The following GOLGA4 variants were observed in gnomAD, a reference collection of about 807,000 sequenced individuals.
GOLGA4 encodes the protein golgin A4.
Under a neutral mutation model 265.9 loss-of-function variants are expected in GOLGA4, and 169 were observed. The observed-to-expected ratio is 0.64, with a 90% CI of 0.56 to 0.72. The LOEUF is 0.72. Among genes scored for constraint, GOLGA4 ranks in the 30% least tolerant of loss-of-function variants. GOLGA4 has a pLI of 0.00. For synonymous variants in GOLGA4, 923 were observed against 855.8 expected (o/e 1.08, Z -1.37); for missense variants, 2,482 against 2,483.4 (o/e 1.00, Z 0.01).
At chr3:37,270,853 T>A (rs1397530102) in intron 2 of GOLGA4, among the ~76,000 whole-genome samples, 1 of 152,134 alleles carries the variant, frequency 6.6e-6, no homozygotes, top group Non-Finnish European at 1.5e-5. Flanking sequence ...ATTTCTGTTA[T>A]TATTACATTG....
At chr3:37,319,439 G>A (rs1025974092) in intron 12 of GOLGA4, 1 of 228,842 alleles carries the variant, frequency 4.4e-6, no homozygotes, top group African/African-American at 2.3e-5. Context: ...CTGTTGCCTA[G>A]GCTAGAGTGC....
At position 37,253,590 on chromosome 3, in the gene GOLGA4, T is replaced by G. The variant is rs1319120618; in HGVS notation, c.162+2106T>G. 5.9e-5 allele frequency among the ~76,000 whole-genome samples: 9 copies of G among 152,116 alleles called. No homozygotes were observed. In the South Asian group the frequency reaches 6.2e-4, roughly 11 times the overall value. On this transcript the variant is annotated intron_variant, in intron 2 of 23. Transcript: ENST00000361924. ...GTTAATATTAAAATTTAGAAAGAAA[T>G]AAATAAACTTTAGCTGACTTGGTCG...
intron 4 of GOLGA4, among the ~76,000 whole-genome samples, chr3:37,286,812 A>G (rs1015833080): frequency 8.5e-5 from 13 of 152,176 alleles, no homozygotes; most frequent in Admixed American, 6.5e-4. Context: ...CCTCTCTTCT[A>G]TAATAACTAT....
At position 37,362,338 on chromosome 3, in the gene GOLGA4, G is replaced by A. The variant is rs865967290; in HGVS notation, c.*33+1033G>A. ...TGCAAGCTCCGCCTCCCGGGTTCAC[G>A]CCATTCTCCTGCCTCAGCCTCCCAA... On this transcript the variant is annotated intron_variant, in intron 23 of 23. Transcript: ENST00000361924. 1.5e-3 allele frequency among the ~76,000 whole-genome samples: 215 copies of A among 148,008 alleles called. 1 individual carries two copies. The highest frequency in any genetic ancestry group is 4.8e-3 in the African/African-American group (193 of 40,612).
At chr3:37,306,499 CTCTGTGTG>C (rs1277575590) in intron 10 of GOLGA4, among the ~76,000 whole-genome samples, 23 of 115,714 alleles carry the variant, frequency 2.0e-4, no homozygotes, top group Admixed American at 5.3e-4. Context: ...CTTGGCTGTT[CTCTGTGTG>C]TGTGTGTGTG....
chr3:37,322,248 G>A (rs2096957022), intron 13 of GOLGA4, among the ~76,000 whole-genome samples: 1 of 152,084 alleles, frequency 6.6e-6, no homozygotes, highest in South Asian at 2.1e-4. Flanking sequence ...TTTATCTTAT[G>A]CCATGTCCTG....
At chr3:37,255,004 A>G (rs2096744628) in intron 2 of GOLGA4, among the ~76,000 whole-genome samples, 1 of 150,782 alleles carries the variant, frequency 6.6e-6, no homozygotes, top group Non-Finnish European at 1.5e-5. Flanking sequence ...AGCATTTTAA[A>G]TGTATATCCA....
At chr3:37,266,432 T>C (rs1157006646) in intron 2 of GOLGA4, among the ~76,000 whole-genome samples, 1 of 152,146 alleles carries the variant, frequency 6.6e-6, no homozygotes, top group Non-Finnish European at 1.5e-5. Context: ...ATTCCTGACC[T>C]CGTGATCTGC....
intron 17 of GOLGA4, among the ~76,000 whole-genome samples, chr3:37,336,814 AAGAG>A (rs376128583): frequency 9.2e-5 from 14 of 151,704 alleles, no homozygotes; most frequent in South Asian, 2.1e-4. Context: ...GAAAGAGAGA[AAGAG>A]AGAGAAAGAA....
chr3:37,286,112 GATC>G (rs764253821), intron 4 of GOLGA4, 51 bp downstream of exon 4: 13 of 535,400 alleles, frequency 2.4e-5, no homozygotes, highest in Non-Finnish European at 4.6e-5. Context: ...AAATCAGAAA[GATC>G]TTATATAGTA....
intron 2 of GOLGA4, among the ~76,000 whole-genome samples, chr3:37,277,805 A>AC (rs1205325289): frequency 5.3e-5 from 8 of 151,948 alleles, no homozygotes; most frequent in African/African-American, 1.7e-4. Flanking sequence ...TTTAAAGGCC[A>AC]CTGTTGCAAA....
intron 20 of GOLGA4, among the ~76,000 whole-genome samples, chr3:37,343,495 C>T (rs538817597): frequency 3.3e-5 from 5 of 151,974 alleles, no homozygotes; most frequent in African/African-American, 7.3e-5. Flanking sequence ...GGATTACAGA[C>T]GTTAGCTGCT....
At chr3:37,328,372 G>A (rs757261737) in intron 14 of GOLGA4, 44 bp from the exon 15 acceptor site, 1 of 1,592,860 alleles carries the variant, frequency 6.3e-7, no homozygotes, top group East Asian at 2.3e-5. Flanking sequence ...CTTGCAGCTT[G>A]TTCTTTGTGT....
rs780620771 is a variant in GOLGA4 at position 37,273,569 on chromosome 3, A to G, written c.163-8389A>G. On this transcript the variant is annotated intron_variant, in intron 2 of 23. Coordinates refer to ENST00000361924, the MANE Select transcript of GOLGA4 (RefSeq NM_002078.5). ...TACTCATGCCTCGAAATCTCCTGAC[A>G]GTGTTAATGGAAGTGAACCAAGCAT... 16 of 1,511,532 alleles carry G rather than the reference A, an allele frequency of 1.1e-5. No homozygotes were observed. In the East Asian group the frequency reaches 2.5e-4, roughly 23 times the overall value. 93.6% of individuals were successfully genotyped at this position (1,511,532 alleles called of 1,614,324 possible). A position where few individuals can be genotyped will look rare whatever the true frequency, so the allele number is the denominator to read the frequency against.
rs772037455 is a variant in GOLGA4, at chr3:37,326,770, G to A, written c.4884G>A (p.Arg1628=). The A allele has an allele frequency of 4.5e-5, 72 of 1,613,554 alleles. No individual in the cohort carries two copies. In the East Asian group the frequency reaches 6.0e-4, roughly 13 times the overall value. ...AGGAGTTAAAGGCATTGGAAGATAG[G>A]CTTGAGTCAGAAAGTGCTGCAAAAT... ...KEEELKALED[R]LESESAAKLA... Residue 1628 remains arginine, a synonymous_variant, in exon 14 of 24, where the codon AGG becomes AGA. Transcript: ENST00000361924.
chr3:37,269,329 T>C (rs1578421762), intron 2 of GOLGA4, among the ~76,000 whole-genome samples: 1 of 152,246 alleles, frequency 6.6e-6, no homozygotes, highest in Middle Eastern at 3.4e-3. Context: ...AAATATTAGG[T>C]CATGGGGACT....
chr3:37,328,378 T>A (rs1296863100), intron 14 of GOLGA4, 38 bp from the exon 15 acceptor site: 1 of 1,599,170 alleles, frequency 6.3e-7, no homozygotes, highest in African/African-American at 1.3e-5. Flanking sequence ...GCTTGTTCTT[T>A]GTGTGGCAGC....
chr3:37,266,869 G>A, intron 2 of GOLGA4: 1 of 1,287,192 alleles, frequency 7.8e-7, no homozygotes, highest in Non-Finnish European at 1.0e-6. Context: ...AGCAGAGCCT[G>A]CTTTTCTCTC....
chr3:37,306,496 G>GTT, intron 10 of GOLGA4, among the ~76,000 whole-genome samples: 1 of 133,598 alleles, frequency 7.5e-6, no homozygotes, highest in South Asian at 2.5e-4. Context: ...GTTCTTGGCT[G>GTT]TTCTCTGTGT....
Sources: gnomAD v4.1 joint callset for allele counts (sites outside exome capture counted in the v4.1 genomes callset) on GRCh38, gnomAD v4.1.1 for gene constraint, MANE v1.5 for transcripts, NCBI Gene and HGNC (gene_info 2026-07-23, HGNC 2026-07-21) for gene names.